Variants in ZNF793 observed in about 807,000 individuals in gnomAD.
The protein encoded by ZNF793 is zinc finger protein 793.
In ZNF793, 5 loss-of-function variants were observed where a neutral mutation model predicts 12.4. The ratio of observed to expected loss-of-function variants is 0.40; its 90% CI spans 0.21 to 0.84. The LOEUF (loss-of-function observed/expected upper bound fraction) is 0.84, where lower values mean the gene tolerates loss of function less well. Ranked by LOEUF, ZNF793 falls within the 40% of genes least tolerant of loss-of-function variation. The probability of loss-of-function intolerance (pLI) is 0.35; values close to 1 mark genes in which losing one functional copy is unlikely to be tolerated. For missense variants in ZNF793, 456 were observed against 495.0 expected (o/e 0.92, Z 0.75); for synonymous variants, 162 against 172.4 (o/e 0.94, Z 0.47).
In ZNF793 at chr19:37,538,734, C is replaced by T. The variant is rs2042532087; in HGVS notation, c.*855C>T. On this transcript the variant is annotated 3_prime_UTR_variant, in exon 8 of 8. Coordinates refer to ENST00000627814, the MANE Select transcript of ZNF793 (RefSeq NM_001013659.3). ...TTTAAAAATGTATTAAATGGAATAA[C>T]AGCAGAATACAAAATATCTGTGAAG... 6.6e-6 allele frequency: 1 copy of T among 152,212 alleles called. No homozygotes were observed. The highest frequency in any genetic ancestry group is 2.4e-5 in the African/African-American group (1 of 41,450). 9.4% of individuals were successfully genotyped at this position (152,212 alleles called of 1,614,324 possible).
chr19:37,512,901 C>T (rs2042304588), intron 2 of ZNF793, among the ~76,000 whole-genome samples: 1 of 151,942 alleles, frequency 6.6e-6, no homozygotes. Context: ...TCTCTTTAGA[C>T]TTCTTTAATT....
At chr19:37,528,250 A>G (rs1370356219) in intron 5 of ZNF793, among the ~76,000 whole-genome samples, 2 of 152,158 alleles carry the variant, frequency 1.3e-5, no homozygotes, top group East Asian at 3.9e-4. Flanking sequence ...AAACAGTGCT[A>G]AATCCTCCCA....
rs1253159528 is a variant in ZNF793 at position 37,538,500 on chromosome 19, CTT to C, written c.*623_*624del. The stretch of plus-strand genomic sequence containing the variant: ...TTCACCATGTTGGTCAGGCTGGTCT[CTT>C]TGGCTAGGCTGGTCTCGAACTCCTG... On this transcript the variant is annotated 3_prime_UTR_variant, in exon 8 of 8. Coordinates refer to ENST00000627814, the MANE Select transcript of ZNF793 (RefSeq NM_001013659.3). The C allele has an allele frequency of 2.0e-5, 3 of 152,212 alleles. No individual in the cohort carries two copies. The highest frequency in any genetic ancestry group is 2.0e-4 in the Admixed American group (3 of 15,260). 9.4% of individuals were successfully genotyped at this position (152,212 alleles called of 1,614,324 possible).
intron 2 of ZNF793, among the ~76,000 whole-genome samples, chr19:37,515,464 C>A (rs995675389): frequency 2.6e-5 from 4 of 152,076 alleles, no homozygotes; most frequent in Non-Finnish European, 5.9e-5. Context: ...CCCGCCACCC[C>A]ACCCGGCCAA....
intron 2 of ZNF793, among the ~76,000 whole-genome samples, chr19:37,514,231 G>T (rs1167297348): frequency 6.6e-6 from 1 of 152,116 alleles, no homozygotes; most frequent in Non-Finnish European, 1.5e-5. Flanking sequence ...CAATAGCTAT[G>T]AACGATTAAA....
At chr19:37,518,038 C>A (rs1437203612) in intron 2 of ZNF793, among the ~76,000 whole-genome samples, 4 of 152,134 alleles carry the variant, frequency 2.6e-5, no homozygotes, top group Admixed American at 6.6e-5. Flanking sequence ...AATTATGCTT[C>A]ACATTGTATG....
chr19:37,529,938 C>T (rs977733854), intron 5 of ZNF793, among the ~76,000 whole-genome samples: 4 of 151,604 alleles, frequency 2.6e-5, no homozygotes, highest in Admixed American at 1.3e-4. Flanking sequence ...GTTCAGCATA[C>T]GGAGGATCCC....
chr19:37,514,607 T>C (rs966354137), intron 2 of ZNF793, among the ~76,000 whole-genome samples: 33 of 146,048 alleles, frequency 2.3e-4, no homozygotes, highest in Admixed American at 1.4e-4. Flanking sequence ...GATAGATAGA[T>C]AGATAGACTC....
chr19:37,542,758 A>C lies in ZNF793; in HGVS notation c.*4879A>C. 6.0e-6 allele frequency: 1 copy of C among 165,586 alleles called. No homozygotes were observed. Among genetic ancestry groups the C allele is most frequent in the Non-Finnish European group, 1.3e-5 (1 of 75,442 alleles). The allele number at this position is 165,586 out of a possible 1,614,324, so 10.3% of individuals were successfully genotyped here. On this transcript the variant is annotated 3_prime_UTR_variant, in exon 8 of 8. Coordinates refer to ENST00000627814, the MANE Select transcript of ZNF793 (RefSeq NM_001013659.3). Reference sequence around the variant, plus strand: ...AAGGTAGATATTAAGTATGTTAAATATGACTCCATTTTTTTAAATCATTAA... The same window carrying C: ...AAGGTAGATATTAAGTATGTTAAATCTGACTCCATTTTTTTAAATCATTAA...
intron 2 of ZNF793, among the ~76,000 whole-genome samples, chr19:37,510,375 C>T (rs2042284047): frequency 6.6e-6 from 1 of 150,760 alleles, no homozygotes; most frequent in African/African-American, 2.4e-5. Context: ...ATTAGCTGGG[C>T]TTGGTGGTGG....
At chr19:37,521,662 C>T (rs914959896) in intron 3 of ZNF793, among the ~76,000 whole-genome samples, 13 of 151,666 alleles carry the variant, frequency 8.6e-5, no homozygotes, top group African/African-American at 2.4e-4. Flanking sequence ...AGGCTTGTCT[C>T]GAACTCCCAA....
intron 2 of ZNF793, among the ~76,000 whole-genome samples, chr19:37,515,936 A>G (rs1568786793): frequency 6.6e-6 from 1 of 152,236 alleles, no homozygotes; most frequent in Non-Finnish European, 1.5e-5. Context: ...GTTTATGTTG[A>G]AGATGAAACA....
At chr19:37,534,885 T>C (rs2042492346) in intron 7 of ZNF793, 1 of 152,314 alleles carries the variant, frequency 6.6e-6, no homozygotes, top group African/African-American at 2.4e-5. Flanking sequence ...GGTTTTGCAG[T>C]GCCGCTCAGG....
At chr19:37,524,793 T>C (rs2042401050) in intron 5 of ZNF793, among the ~76,000 whole-genome samples, 2 of 152,206 alleles carry the variant, frequency 1.3e-5, no homozygotes, top group African/African-American at 4.8e-5. Flanking sequence ...AGCCTGGGAA[T>C]GTGTGTTTAA....
At chr19:37,528,731 C>T (rs927586421) in intron 5 of ZNF793, among the ~76,000 whole-genome samples, 22 of 152,132 alleles carry the variant, frequency 1.4e-4, no homozygotes, top group African/African-American at 4.8e-5. Context: ...GTTCTCTGTG[C>T]CCATAACCCG....
chr19:37,539,651 T>A lies in ZNF793; in HGVS notation c.*1772T>A, dbSNP rs975330069. The A allele has an allele frequency of 6.6e-6, 1 of 152,214 alleles. No individual in the cohort carries two copies. Among genetic ancestry groups the A allele is most frequent in the Non-Finnish European group, 1.5e-5 (1 of 68,048 alleles). The allele number at this position is 152,214 out of a possible 1,614,324, so 9.4% of individuals were successfully genotyped here. On this transcript the variant is annotated 3_prime_UTR_variant, in exon 8 of 8. Transcript: ENST00000627814. ...AACCACAGATATCAATATGATTTTT[T>A]AAGTGATAAAAAGATACCTCATACA...
chr19:37,529,590 T>G (rs1270896710), intron 5 of ZNF793, among the ~76,000 whole-genome samples: 2 of 152,184 alleles, frequency 1.3e-5, no homozygotes, highest in African/African-American at 4.8e-5. Flanking sequence ...CCTCCCAGTT[T>G]CAAGCGATTC....
rs537594382 is a variant in ZNF793, at chr19:37,517,779, A to G, written c.-275-2405A>G. ...AGCTAGGTTTTTTTTTTCTATTTCT[A>G]TCAGTTTCTATGATGTGTCATAGTT... On this transcript the variant is annotated intron_variant, in intron 2 of 7. Coordinates refer to ENST00000627814, the MANE Select transcript of ZNF793 (RefSeq NM_001013659.3). Among the ~76,000 whole-genome samples the G allele has an allele frequency of 7.9e-5, 12 of 151,858 alleles. No individual in the cohort carries two copies. In the East Asian group the frequency reaches 2.1e-3, roughly 27 times the overall value.
At chr19:37,509,362 A>G (rs571713547) in intron 2 of ZNF793, among the ~76,000 whole-genome samples, 2 of 152,252 alleles carry the variant, frequency 1.3e-5, no homozygotes, top group Admixed American at 6.5e-5. Flanking sequence ...TTAGAAAATA[A>G]GATTTTGACC....
Sources: allele counts gnomAD v4.1 joint callset (sites outside exome capture counted in the v4.1 genomes callset), GRCh38; gene constraint gnomAD v4.1.1; transcripts MANE v1.5; gene names NCBI Gene and HGNC (gene_info 2026-07-23, HGNC 2026-07-21).